The following RFX1 variants were observed in gnomAD, a reference collection of about 807,000 sequenced individuals.
RFX1 encodes the protein MHC class II regulatory factor RFX1.
In RFX1, 42 loss-of-function variants were observed where a neutral mutation model predicts 119.6. The observed-to-expected ratio is 0.35, with a 90% CI of 0.27 to 0.45. RFX1 has a LOEUF of 0.45. Among genes scored for constraint, RFX1 ranks in the 20% least tolerant of loss-of-function variants. RFX1 has a pLI of 1.00. For missense variants in RFX1, 1,118 were observed against 1,368.1 expected, an observed-to-expected ratio of 0.82 and a Z score of 2.88; for synonymous variants, 628 against 618.5, an observed-to-expected ratio of 1.02 and a Z score of -0.23.
Position 13,986,572 on chromosome 19 carries a change from G to A in RFX1, c.320-2977C>T, listed in dbSNP as rs1023193398. On this transcript the variant is annotated intron_variant, in intron 2 of 20. Coordinates refer to ENST00000254325, the MANE Select transcript of RFX1 (RefSeq NM_002918.5). The surrounding 1 kb of genome is among the most constrained non-coding windows in gnomAD (Gnocchi z 4.2). ...GAGGAGAAGCCAGGAGGGGAAGTGG[G>A]GGGTGGCACTGAGTCTGCGAGCGAG... Among the ~76,000 whole-genome samples the A allele has an allele frequency of 1.3e-5, 2 of 152,186 alleles. No individual in the cohort carries two copies. The highest frequency in any genetic ancestry group is 2.9e-5 in the Non-Finnish European group (2 of 68,014).
rs748274780 is a variant in RFX1 at position 13,993,778 on chromosome 19, C to T, written c.66G>A (p.Pro22=). 2.1e-5 allele frequency: 32 copies of T among 1,550,416 alleles called. No individual in the cohort carries two copies. The highest frequency in any genetic ancestry group is 2.0e-4 in the Middle Eastern group (1 of 5,054). ...GTGGCGGCTGGGGCTGGGCTTGTGGCGGGGCCTGTGGCGGCTGGGATGGTG... is the reference window on the plus strand; with the variant it reads ...GTGGCGGCTGGGGCTGGGCTTGTGGTGGGGCCTGTGGCGGCTGGGATGGTG... ...APPPSQPPQA[P]PQAQPQPPPP... The change falls in exon 2 of 21, where the codon CCG becomes CCA. Residue 22 remains proline (P), a synonymous_variant. Coordinates refer to ENST00000254325, the MANE Select transcript of RFX1 (RefSeq NM_002918.5).
Position 13,962,036 on chromosome 19 carries a change from C to CT in RFX1, c.*658dup, listed in dbSNP as rs995615325. On this transcript the variant is annotated 3_prime_UTR_variant, in exon 21 of 21. Transcript: ENST00000254325. The stretch of plus-strand genomic sequence containing the variant: ...CTCCCCGGCTCCGCGGCTCGCTGCT[C>CT]TTTGGAAGCTGGAGGCCGTGCCCCC... 1 of 152,266 alleles carries CT rather than the reference C, an allele frequency of 6.6e-6. No homozygotes were observed. Among genetic ancestry groups the CT allele is most frequent in the African/African-American group, 2.4e-5 (1 of 41,462 alleles). The allele number at this position is 152,266 out of a possible 1,614,324, so 9.4% of individuals were successfully genotyped here.
At position 13,982,212 on chromosome 19, in the gene RFX1, C is replaced by T. The variant is rs116768203; in HGVS notation, c.530G>A (p.Arg177His). 3.3e-5 allele frequency: 43 copies of T among 1,307,854 alleles called. No individual in the cohort carries two copies. The highest frequency in any genetic ancestry group is 4.7e-5 in the African/African-American group (3 of 63,426). 81.0% of individuals were successfully genotyped at this position (1,307,854 alleles called of 1,614,324 possible). The change falls in exon 5 of 21, where the codon CGT (arginine) becomes CAT (histidine). Residue 177 changes from arginine to histidine, a missense_variant. By Grantham distance (29) the Arg-to-His change is conservative. This residue lies in a region of RFX1 where 542 missense variants were observed against 602.7 expected (regional missense o/e 0.90). Transcript: ENST00000254325. Reference protein sequence around the residue: ...QVPQQALPTQRLVVQSAAPGS... With the variant: ...QVPQQALPTQHLVVQSAAPGS... ...TGGGGCTGCGCTCTGCACCACCAGA[C>T]GCTGCGTGGGAAGAGCCTGGGGCCA...
chr19:13,962,945 T>C lies in RFX1; in HGVS notation c.2770+49A>G. 5 of 1,547,712 alleles carry C rather than the reference T, an allele frequency of 3.2e-6. No individual in the cohort carries two copies. The South Asian group carries it at 6.0e-5, about 18-fold the overall frequency. On this transcript the variant is annotated intron_variant, in intron 20 of 20. Coordinates refer to ENST00000254325, the MANE Select transcript of RFX1 (RefSeq NM_002918.5). ...CTCCTCCTCCCGAGCCCCTCCGTTG[T>C]CCGCCACCCCCGGGACCCGCGCCCT...
Position 13,982,140 on chromosome 19 carries a change from T to C in RFX1, c.602A>G (p.Gln201Arg). The change falls in exon 5 of 21, where the codon CAG becomes CGG. Residue 201 changes from glutamine to arginine, a missense_variant. By Grantham distance (43) the Gln-to-Arg change is conservative. This residue lies in a region of RFX1 where 542 missense variants were observed against 602.7 expected (regional missense o/e 0.90). Coordinates refer to ENST00000254325, the MANE Select transcript of RFX1 (RefSeq NM_002918.5). Reference sequence around the variant, plus strand: ...ACTTACCTCTGGGGGCGAGTGCACCTGCTGGGTACCATGGACCGTCAGGGA... The same window carrying C: ...ACTTACCTCTGGGGGCGAGTGCACCCGCTGGGTACCATGGACCGTCAGGGA... ...QVSLTVHGTQ[Q>R]VHSPPEQSPV... The C allele has an allele frequency of 1.5e-6, 2 of 1,312,292 alleles. No homozygotes were observed. Among genetic ancestry groups the C allele is most frequent in the Non-Finnish European group, 9.8e-7 (1 of 1,021,572 alleles). The allele number at this position is 1,312,292 out of a possible 1,614,324, so 81.3% of individuals were successfully genotyped here. A position where few individuals can be genotyped will look rare whatever the true frequency, so the allele number is the denominator to read the frequency against.
chr19:13,991,955 C>A (rs975438185), intron 2 of RFX1, among the ~76,000 whole-genome samples: 3 of 152,192 alleles, frequency 2.0e-5, no homozygotes, highest in African/African-American at 7.2e-5. Flanking sequence ...AGCCACCACA[C>A]CCGGCCAATT....
In RFX1 at chr19:13,968,141, C is replaced by G. The variant is rs1973962971; in HGVS notation, c.1732+424G>C. On this transcript the variant is annotated intron_variant, in intron 12 of 20. Transcript: ENST00000254325. This position sits in a 1 kb window ranked among gnomAD's most constrained non-coding sequence, Gnocchi z 5.5. ...TAGTGGCACGTGCCTGTAGTTCCAGCTACTCAGGAGGCTGAGGCAGGAGAA... is the reference window on the plus strand; with the variant it reads ...TAGTGGCACGTGCCTGTAGTTCCAGGTACTCAGGAGGCTGAGGCAGGAGAA... 6.6e-6 allele frequency among the ~76,000 whole-genome samples: 1 copy of G among 152,102 alleles called. No individual in the cohort carries two copies. The highest frequency in any genetic ancestry group is 2.4e-5 in the African/African-American group (1 of 41,410).
chr19:13,970,400 G>A (rs545115602), intron 9 of RFX1, among the ~76,000 whole-genome samples: 3 of 152,176 alleles, frequency 2.0e-5, no homozygotes, highest in African/African-American at 7.2e-5. Flanking sequence ...ATTAAAGGCC[G>A]GGCACGGCTC....
chr19:14,006,654 T>G (rs1305824089), upstream of RFX1: 1 of 152,268 alleles, frequency 6.6e-6, no homozygotes, highest in Non-Finnish European at 1.5e-5. Context: ...TACCAAAGGT[T>G]TGCCGCGCTC....
chr19:13,970,309 C>T (rs1415752056), intron 9 of RFX1, 134 bp from the exon 10 acceptor site: 4 of 671,182 alleles, frequency 6.0e-6, no homozygotes, highest in Admixed American at 3.0e-5. Flanking sequence ...GCACATCCTA[C>T]TGCCATCCTC....
chr19:13,991,274 G>A (rs935236904), intron 2 of RFX1, among the ~76,000 whole-genome samples: 1 of 152,210 alleles, frequency 6.6e-6, no homozygotes, highest in African/African-American at 2.4e-5. Context: ...AGACAAAGGT[G>A]ATGGAGGTGA....
In RFX1 at chr19:13,986,901, C is replaced by T. The variant is rs1344938268; in HGVS notation, c.320-3306G>A. Among the ~76,000 whole-genome samples the T allele has an allele frequency of 6.6e-6, 1 of 152,164 alleles. No individual in the cohort carries two copies. The highest frequency in any genetic ancestry group is 1.5e-5 in the Non-Finnish European group (1 of 68,002). ...CTTCCCCATAGACAGATGGGGCCAC[C>T]TGACCCTCTGCCTCCTGCCCCTGGG... On this transcript the variant is annotated intron_variant, in intron 2 of 20. Coordinates refer to ENST00000254325, the MANE Select transcript of RFX1 (RefSeq NM_002918.5). The surrounding 1 kb of genome is among the most constrained non-coding windows in gnomAD (Gnocchi z 4.2).
At chr19:13,964,855 T>C (rs1973842864) in intron 16 of RFX1, among the ~76,000 whole-genome samples, 1 of 152,204 alleles carries the variant, frequency 6.6e-6, no homozygotes. Flanking sequence ...CATTGCTGTG[T>C]ACTGAGAAGG....
Position 13,982,157 on chromosome 19 carries a change from C to T in RFX1, c.585G>A (p.Thr195=), listed in dbSNP as rs61735282. The change falls in exon 5 of 21, where the codon ACG becomes ACA. Residue 195 remains threonine (T), a synonymous_variant. Transcript: ENST00000254325. ...PGSKGGQVSL[T]VHGTQQVHSP... ...AGTGCACCTGCTGGGTACCATGGACCGTCAGGGAGACCTGGCCACCTTTGC... is the reference window on the plus strand; with the variant it reads ...AGTGCACCTGCTGGGTACCATGGACTGTCAGGGAGACCTGGCCACCTTTGC... 4.2e-3 allele frequency: 5,572 copies of T among 1,311,328 alleles called. 202 individuals are homozygous for T. The African/African-American group carries it at 0.076, about 18-fold the overall frequency. 81.2% of individuals were successfully genotyped at this position (1,311,328 alleles called of 1,614,324 possible). A position where few individuals can be genotyped will look rare whatever the true frequency, so the allele number is the denominator to read the frequency against.
rs114504128 is a variant in RFX1, at chr19:13,986,386, C to T, written c.320-2791G>A. 5.0e-3 allele frequency among the ~76,000 whole-genome samples: 761 copies of T among 152,276 alleles called. 9 individuals carry two copies. Among genetic ancestry groups the T allele is most frequent in the African/African-American group, 0.017 (726 of 41,570 alleles). On this transcript the variant is annotated intron_variant, in intron 2 of 20. Transcript: ENST00000254325. The surrounding 1 kb of genome is among the most constrained non-coding windows in gnomAD (Gnocchi z 4.2). ...GGGGTAGCCCTCAAGGCTGGGACCC[C>T]GCCTGCCAGCCCAGGAGGGCGCCAG... is the stretch of plus-strand genomic sequence containing the variant.
chr19:14,002,894 C>T (rs1459773785), intron 1 of RFX1, among the ~76,000 whole-genome samples: 1 of 152,212 alleles, frequency 6.6e-6, no homozygotes, highest in Non-Finnish European at 1.5e-5. Flanking sequence ...CCATTCCAAG[C>T]TCCCCACCGT....
rs1399618071 is a variant in RFX1, at chr19:13,966,705, G to A, written c.1779C>T (p.Gly593=). ...LPDFTELDLQ[G]KVLPEGVGPG... The stretch of plus-strand genomic sequence containing the variant: ...GCCCGACGCCCTCAGGCAGCACCTT[G>A]CCCTGGAGGTCGAGCTCTGTGAAGT... Residue 593 remains glycine, a synonymous_variant, in exon 13 of 21, where the codon GGC becomes GGT. Coordinates refer to ENST00000254325, the MANE Select transcript of RFX1 (RefSeq NM_002918.5). This position sits in a 1 kb window ranked among gnomAD's most constrained non-coding sequence, Gnocchi z 6.3. The A allele has an allele frequency of 6.2e-7, 1 of 1,611,530 alleles. No individual in the cohort carries two copies. Among genetic ancestry groups the A allele is most frequent in the South Asian group, 1.1e-5 (1 of 90,994 alleles).
At chr19:14,006,436 C>G (rs1975385194), upstream of RFX1, 1 of 152,242 alleles carries the variant, frequency 6.6e-6, no homozygotes, top group South Asian at 2.1e-4. Flanking sequence ...AGTTCCGATG[C>G]ACGCTTTTCA....
rs995071357 is a variant in RFX1 at position 13,966,884 on chromosome 19, C to T, written c.1733-133G>A. ...GTGAGACAACGCTAGGTGGGGTGAG[C>T]GCCTGGCCCGGGCCCAGGACGGGCC... On this transcript the variant is annotated intron_variant, in intron 12 of 20. Coordinates refer to ENST00000254325, the MANE Select transcript of RFX1 (RefSeq NM_002918.5). The surrounding 1 kb of genome is among the most constrained non-coding windows in gnomAD (Gnocchi z 6.3). 30 of 600,436 alleles carry T rather than the reference C, an allele frequency of 5.0e-5. No individual in the cohort carries two copies. The highest frequency in any genetic ancestry group is 3.0e-4 in the African/African-American group (16 of 52,800). The allele number at this position is 600,436 out of a possible 1,614,324, so 37.2% of individuals were successfully genotyped here.
Sources: gnomAD v4.1 joint callset for allele counts (sites outside exome capture counted in the v4.1 genomes callset) on GRCh38, gnomAD v4.1.1 for gene constraint, gnomAD v4.1.1 regional missense constraint, Gnocchi (gnomAD v3.1) non-coding constraint, MANE v1.5 for transcripts, NCBI Gene and HGNC (gene_info 2026-07-23, HGNC 2026-07-21) for gene names.